Variants in DDC observed in about 807,000 individuals in gnomAD.
The protein encoded by DDC is dopa decarboxylase, also known as aromatic-L-amino-acid decarboxylase.
In DDC, 43 loss-of-function variants were observed where a neutral mutation model predicts 60.0. The observed-to-expected ratio is 0.72, with a 90% CI of 0.56 to 0.92. The LOEUF is 0.92. Ranked by LOEUF, DDC falls within the 40% of genes least tolerant of loss-of-function variation. DDC has a pLI of 0.00. For missense variants in DDC, 573 were observed against 620.2 expected (o/e 0.92, Z 0.81); for synonymous variants, 232 against 234.6 (o/e 0.99, Z 0.10).
At position 50,463,171 on chromosome 7, in the gene DDC, G is replaced by A. The variant is rs11575543; in HGVS notation, c.*18+42C>T. 0.022 allele frequency: 32,763 copies of A among 1,511,196 alleles called. 1,012 individuals are homozygous for A. Among genetic ancestry groups the A allele is most frequent in the African/African-American group, 0.14 (10,434 of 72,328 alleles). The allele number at this position is 1,511,196 out of a possible 1,614,324, so 93.6% of individuals were successfully genotyped here. On this transcript the variant is annotated intron_variant, in intron 14 of 14. Coordinates refer to ENST00000444124, the MANE Select transcript of DDC (RefSeq NM_001082971.2). ...GACTCCAGGAGGACACTCTTGCCAC[G>A]GGACAAGGAGACAGGCAGAAAATGA...
chr7:50,483,882 C>T (rs1004863223), intron 9 of DDC, among the ~76,000 whole-genome samples: 6 of 144,096 alleles, frequency 4.2e-5, no homozygotes, highest in East Asian at 4.0e-4. Flanking sequence ...CCAGCCTGGG[C>T]GACAGAGCAA....
intron 9 of DDC, among the ~76,000 whole-genome samples, chr7:50,481,094 G>C (rs554832735): frequency 2.0e-5 from 3 of 152,138 alleles, no homozygotes; most frequent in Non-Finnish European, 2.9e-5. Context: ...CAAATAAAAC[G>C]TGAGAGTCCC....
chr7:50,558,474 C>G (rs919108248), intron 1 of DDC, among the ~76,000 whole-genome samples: 4 of 152,238 alleles, frequency 2.6e-5, no homozygotes, highest in Admixed American at 2.6e-4. Context: ...TGAGGTGCCC[C>G]CCTCCAAGAA....
chr7:50,556,948 C>T (rs753084922), intron 1 of DDC, among the ~76,000 whole-genome samples: 4 of 152,176 alleles, frequency 2.6e-5, no homozygotes, highest in South Asian at 2.1e-4. Context: ...TGCTGGCTGA[C>T]GTCTTGGAGT....
intron 9 of DDC, among the ~76,000 whole-genome samples, chr7:50,481,751 CAA>C (rs2042774156): frequency 1.3e-5 from 2 of 152,150 alleles, no homozygotes; most frequent in Non-Finnish European, 2.9e-5. Flanking sequence ...ATTTTCTCTC[CAA>C]ATCCCTAAGC....
intron 6 of DDC, among the ~76,000 whole-genome samples, chr7:50,523,612 C>A (rs757628086): frequency 4.6e-5 from 7 of 151,846 alleles, no homozygotes; most frequent in Admixed American, 3.9e-4. Flanking sequence ...AGTAAAATAA[C>A]AATAAGATAC....
chr7:50,541,180 T>A (rs1278761759), intron 2 of DDC, among the ~76,000 whole-genome samples: 1 of 152,220 alleles, frequency 6.6e-6, no homozygotes, highest in African/African-American at 2.4e-5. Flanking sequence ...TGGTGCTCCA[T>A]GTCCATCCTG....
chr7:50,492,662 G>A (rs1364666129), intron 9 of DDC: 2 of 1,092,610 alleles, frequency 1.8e-6, no homozygotes, highest in Non-Finnish European at 1.1e-6. Flanking sequence ...TAGGGCTTAC[G>A]TTTAATTCCT....
At chr7:50,507,755 C>T (rs527762353) in intron 6 of DDC, among the ~76,000 whole-genome samples, 10 of 152,212 alleles carry the variant, frequency 6.6e-5, no homozygotes, top group East Asian at 1.9e-4. Flanking sequence ...CAATAAAACC[C>T]GGCCTTGTCC....
intron 14 of DDC, among the ~76,000 whole-genome samples, chr7:50,459,470 A>C (rs2042202932): frequency 6.7e-6 from 1 of 150,308 alleles, no homozygotes; most frequent in African/African-American, 2.5e-5. Flanking sequence ...CTGGAAAGTG[A>C]GGAGCGTCTC....
intron 9 of DDC, among the ~76,000 whole-genome samples, chr7:50,486,924 G>A (rs1288393120): frequency 2.0e-5 from 3 of 152,176 alleles, no homozygotes; most frequent in Admixed American, 6.5e-5. Context: ...AGTGGGAGAT[G>A]AATACATAAT....
intron 6 of DDC, among the ~76,000 whole-genome samples, chr7:50,511,674 A>G (rs1031775806): frequency 6.6e-6 from 1 of 152,220 alleles, no homozygotes; most frequent in Non-Finnish European, 1.5e-5. Flanking sequence ...GGTTGCAGTG[A>G]GCCAAGATCG....
intron 13 of DDC, 140 bp from the exon 14 acceptor site, chr7:50,463,571 T>C (rs1585130433): frequency 1.3e-6 from 1 of 754,670 alleles, no homozygotes; most frequent in East Asian, 2.6e-5. Context: ...GCGTTTACGA[T>C]GTTACAAAAT....
At chr7:50,499,836 C>A (rs995535308) in intron 7 of DDC, among the ~76,000 whole-genome samples, 40 of 152,190 alleles carry the variant, frequency 2.6e-4, no homozygotes, top group Non-Finnish European at 1.8e-4. Flanking sequence ...GCTGGGAGAG[C>A]CACAGATGTA....
chr7:50,527,663 A>G (rs757806589), intron 6 of DDC: 27 of 189,728 alleles, frequency 1.4e-4, no homozygotes, highest in Non-Finnish European at 2.6e-4. Context: ...ACATATAGGA[A>G]CAAACCTGTA....
chr7:50,548,765 T>C (rs975224573), intron 1 of DDC, among the ~76,000 whole-genome samples: 3 of 152,202 alleles, frequency 2.0e-5, no homozygotes, highest in African/African-American at 7.2e-5. Context: ...CGGTAAACCA[T>C]AGATTTTCAA....
At chr7:50,534,420 A>G (rs1345530515) in intron 4 of DDC, among the ~76,000 whole-genome samples, 1 of 152,108 alleles carries the variant, frequency 6.6e-6, no homozygotes, top group Admixed American at 6.5e-5. Flanking sequence ...AAAATGGCAA[A>G]ACCCTGTCTC....
chr7:50,507,999 C>T (rs1479747803), intron 6 of DDC, among the ~76,000 whole-genome samples: 1 of 152,246 alleles, frequency 6.6e-6, no homozygotes. Flanking sequence ...GCTTGGTTAG[C>T]TCTTGTTGTC....
intron 7 of DDC, among the ~76,000 whole-genome samples, chr7:50,501,117 T>G (rs1199025261): frequency 6.6e-6 from 1 of 152,132 alleles, no homozygotes; most frequent in Non-Finnish European, 1.5e-5. Flanking sequence ...GCTGCCTCAG[T>G]GGGGAGGGAT....
Sources: gnomAD v4.1 joint callset for allele counts (sites outside exome capture counted in the v4.1 genomes callset) on GRCh38, gnomAD v4.1.1 for gene constraint, MANE v1.5 for transcripts, NCBI Gene and HGNC (gene_info 2026-07-23, HGNC 2026-07-21) for gene names.